TAOK1: variants seen among roughly 807,000 people sequenced by gnomAD.
TAOK1 encodes the protein TAO kinase 1, also known as serine/threonine-protein kinase TAO1.
TAOK1 carries 21 observed loss-of-function variants against 138.3 expected under a neutral mutation model. The ratio of observed to expected loss-of-function variants is 0.15; its 90% confidence interval spans 0.11 to 0.22. The LOEUF is 0.22. Among genes scored for constraint, TAOK1 ranks in the 10% least tolerant of loss-of-function variants. The pLI is 1.00. For missense variants in TAOK1, 651 were observed against 1,227.7 expected, an observed-to-expected ratio of 0.53 and a Z score of 7.02; for synonymous variants, 361 against 398.4, an observed-to-expected ratio of 0.91 and a Z score of 1.12.
intron 1 of TAOK1, among the ~76,000 whole-genome samples, chr17:29,397,133 A>G (rs1598462452): frequency 6.6e-6 from 1 of 151,106 alleles, no homozygotes; most frequent in East Asian, 2.0e-4. Context: ...CGTCTCTACT[A>G]AAAATACAAA....
intron 14 of TAOK1, 105 bp downstream of exon 14, chr17:29,508,237 C>A: frequency 1.1e-6 from 1 of 931,654 alleles, no homozygotes; most frequent in Non-Finnish European, 1.7e-6. Context: ...GTGAACCAAG[C>A]AAATTGGGGA....
At chr17:29,522,753 G>A (rs1382518189) in intron 17 of TAOK1, among the ~76,000 whole-genome samples, 1 of 152,174 alleles carries the variant, frequency 6.6e-6, no homozygotes, top group Non-Finnish European at 1.5e-5. Context: ...GGAAGTGCCA[G>A]TAGATAAGAA....
chr17:29,505,144 G>C (rs1421900264), intron 13 of TAOK1, among the ~76,000 whole-genome samples: 1 of 152,094 alleles, frequency 6.6e-6, no homozygotes, highest in Non-Finnish European at 1.5e-5. Context: ...CAGAGCATAA[G>C]TAGTTTTTTA....
At chr17:29,402,930 T>C (rs1483067709) in intron 1 of TAOK1, among the ~76,000 whole-genome samples, 1 of 151,490 alleles carries the variant, frequency 6.6e-6, no homozygotes, top group African/African-American at 2.4e-5. Context: ...AGCCCAGCAC[T>C]TTGGGAGGCC....
In TAOK1 at chr17:29,530,630, T is replaced by C. The variant is rs757086691; in HGVS notation, c.2361+11T>C. The stretch of plus-strand genomic sequence containing the variant: ...CTCTCCACACAAGCCGTGAGTTTGC[T>C]TTTTTTGGGGCAAAACAAATTTAGT... On this transcript the variant is annotated intron_variant, in intron 18 of 19. Coordinates refer to ENST00000261716, the MANE Select transcript of TAOK1 (RefSeq NM_020791.4). 6.2e-6 allele frequency: 10 copies of C among 1,611,048 alleles called. No homozygotes were observed. In the South Asian group the frequency reaches 9.9e-5, roughly 16 times the overall value.
At position 29,448,351 on chromosome 17, in the gene TAOK1, T is replaced by C. The variant is rs981565677; in HGVS notation, c.-94-3104T>C. On this transcript the variant is annotated intron_variant, in intron 1 of 19. Coordinates refer to ENST00000261716, the MANE Select transcript of TAOK1 (RefSeq NM_020791.4). ...ATTTGAGATGCCTTTTTTAGCCATT[T>C]AGCAGTAATGTTTATGGTAAGATAT... 3.3e-5 allele frequency among the ~76,000 whole-genome samples: 5 copies of C among 152,194 alleles called. No individual in the cohort carries two copies. In the East Asian group the frequency reaches 9.6e-4, roughly 29 times the overall value.
intron 1 of TAOK1, among the ~76,000 whole-genome samples, chr17:29,418,539 G>C (rs1184001074): frequency 6.6e-6 from 1 of 152,028 alleles, no homozygotes. Context: ...CTTGGTATCT[G>C]TGTGGGATTG....
rs1905468145 is a variant in TAOK1 at position 29,422,179 on chromosome 17, G to A, written c.-94-29276G>A. Among the ~76,000 whole-genome samples the A allele has an allele frequency of 1.3e-5, 2 of 151,106 alleles. 1 individual carries two copies. The highest frequency in any genetic ancestry group is 4.2e-4 in the South Asian group (2 of 4,802). The stretch of plus-strand genomic sequence containing the variant: ...CCCAAAGTGCTGGGATTACAGGCAT[G>A]AGCCACCACGCCCGGCCTATCCTTT... On this transcript the variant is annotated intron_variant, in intron 1 of 19. Transcript: ENST00000261716.
chr17:29,496,309 G>C (rs947989598), intron 11 of TAOK1, among the ~76,000 whole-genome samples: 1 of 151,866 alleles, frequency 6.6e-6, no homozygotes, highest in African/African-American at 2.4e-5. Context: ...GTAGAGACGG[G>C]GTTTCACCGC....
In TAOK1 at chr17:29,465,837, C is replaced by CTTTTTTTTTTTTTTTTTTTTTTTTTTTTT. The variant is rs3058623; in HGVS notation, c.133-1281_133-1280insTTTTTTTTTTTTTTTTTTTTTTTTTTTTT. 2.6e-4 allele frequency among the ~76,000 whole-genome samples: 12 copies of CTTTTTTTTTTTTTTTTTTTTTTTTTTTTT among 45,434 alleles called. 4 individuals are homozygous for CTTTTTTTTTTTTTTTTTTTTTTTTTTTTT. Among genetic ancestry groups the CTTTTTTTTTTTTTTTTTTTTTTTTTTTTT allele is most frequent in the African/African-American group, 1.3e-3 (11 of 8,708 alleles). 29.8% of individuals were successfully genotyped at this position (45,434 alleles called of 152,430 possible). ...AAGAGTTAACTGTCAAGTTTCTGTG[C>CTTTTTTTTTTTTTTTTTTTTTTTTTTTTT]TTTTTTTTTTTTTTTTTTTTTTTTT... On this transcript the variant is annotated intron_variant, in intron 2 of 19. Coordinates refer to ENST00000261716, the MANE Select transcript of TAOK1 (RefSeq NM_020791.4).
chr17:29,498,554 A>G (rs375992027), intron 12 of TAOK1, 33 bp downstream of exon 12: 40 of 1,603,140 alleles, frequency 2.5e-5, no homozygotes, highest in East Asian at 4.5e-5. Context: ...AAGAAATTCA[A>G]TGTTGGTAAA....
rs1284130484 is a variant in TAOK1 at position 29,546,598 on chromosome 17, C to CTCCACTAGTG, written c.*3576_*3577insTCCACTAGTG. ...CCTCCTTTGCATTTCTCCATTTGTG[C>CTCCACTAGTG]CATTCACTAGTGGAAATAAATTGTA... On this transcript the variant is annotated 3_prime_UTR_variant, in exon 20 of 20. Coordinates refer to ENST00000261716, the MANE Select transcript of TAOK1 (RefSeq NM_020791.4). The CTCCACTAGTG allele has an allele frequency of 2.6e-5, 4 of 151,978 alleles. No individual in the cohort carries two copies. Among genetic ancestry groups the CTCCACTAGTG allele is most frequent in the African/African-American group, 9.7e-5 (4 of 41,396 alleles). 9.4% of individuals were successfully genotyped at this position (151,978 alleles called of 1,614,324 possible).
intron 10 of TAOK1, among the ~76,000 whole-genome samples, chr17:29,492,844 A>G (rs2031326151): frequency 6.7e-6 from 1 of 149,730 alleles, no homozygotes; most frequent in African/African-American, 2.5e-5. Context: ...GGATGAAACA[A>G]TATGGTAAAT....
intron 19 of TAOK1, among the ~76,000 whole-genome samples, chr17:29,540,088 T>C (rs2032291178): frequency 6.6e-6 from 1 of 151,554 alleles, no homozygotes; most frequent in African/African-American, 2.4e-5. Context: ...CATGGAGAAA[T>C]GATAAAATAA....
intron 9 of TAOK1, 110 bp from the exon 10 acceptor site, chr17:29,491,674 A>T: frequency 1.3e-5 from 10 of 746,020 alleles, no homozygotes; most frequent in Admixed American, 8.4e-5. Flanking sequence ...GCTTTTTTTT[A>T]ATCATTCCCT....
At chr17:29,524,390 G>A (rs2031971810) in intron 17 of TAOK1, among the ~76,000 whole-genome samples, 1 of 152,198 alleles carries the variant, frequency 6.6e-6, no homozygotes, top group African/African-American at 2.4e-5. Context: ...TCTAGGGCTT[G>A]GGTGATGGAT....
intron 1 of TAOK1, 48 bp from the exon 2 acceptor site, chr17:29,451,407 C>A: frequency 1.1e-6 from 1 of 900,408 alleles, no homozygotes; most frequent in Non-Finnish European, 1.6e-6. Context: ...ACTAATTATT[C>A]TTAGCAGTTT....
intron 12 of TAOK1, 34 bp downstream of exon 12, chr17:29,498,555 T>C: frequency 6.2e-7 from 1 of 1,600,886 alleles, no homozygotes; most frequent in Non-Finnish European, 8.6e-7. Context: ...AGAAATTCAA[T>C]GTTGGTAAAC....
chr17:29,491,153 T>G (rs747947839), intron 9 of TAOK1, among the ~76,000 whole-genome samples: 1 of 152,218 alleles, frequency 6.6e-6, no homozygotes, highest in African/African-American at 2.4e-5. Context: ...CTTAAAATCT[T>G]ATTTGAATAT....
Sources: gnomAD v4.1 joint callset for allele counts (sites outside exome capture counted in the v4.1 genomes callset) on GRCh38, gnomAD v4.1.1 for gene constraint, MANE v1.5 for transcripts, NCBI Gene and HGNC (gene_info 2026-07-23, HGNC 2026-07-21) for gene names.